Variants in OR14I1 observed in about 807,000 individuals in gnomAD.
OR14I1 encodes the protein olfactory receptor 14I1.
For synonymous variants in OR14I1, 118 were observed against 71.1 expected (o/e 1.66, Z -3.32); for missense variants, 279 against 181.8 (o/e 1.53, Z -3.07).
downstream of OR14I1, among the ~76,000 whole-genome samples, chr1:248,678,837 T>C (rs1027492723): frequency 6.7e-6 from 1 of 148,734 alleles, no homozygotes; most frequent in African/African-American, 2.5e-5. Flanking sequence ...CAAGAAATTT[T>C]TGGAGGCTGA....
chr1:248,693,507 T>G, the OR14I1 span, among the ~76,000 whole-genome samples: 1 of 152,176 alleles, frequency 6.6e-6, no homozygotes, highest in African/African-American at 2.4e-5. Context: ...TTTGATAAGA[T>G]AAAAGAGTTC....
the OR14I1 span, among the ~76,000 whole-genome samples, chr1:248,695,239 T>TTTTG: frequency 1.4e-4 from 21 of 146,222 alleles, no homozygotes; most frequent in African/African-American, 4.8e-4. Context: ...TTTTTTTTTT[T>TTTTG]TTTTTTTTTT....
the OR14I1 span, among the ~76,000 whole-genome samples, chr1:248,696,005 G>A: frequency 1.3e-5 from 2 of 152,034 alleles, no homozygotes; most frequent in East Asian, 1.9e-4. Flanking sequence ...GAAGGCCATC[G>A]CGATCATGTG....
upstream of OR14I1, among the ~76,000 whole-genome samples, chr1:248,686,620 T>C (rs1156479072): frequency 8.3e-6 from 1 of 119,862 alleles, no homozygotes; most frequent in Non-Finnish European, 1.9e-5. Context: ...ACATAATTAC[T>C]AAGAGAACAA....
At chr1:248,691,530 G>A in the OR14I1 span, among the ~76,000 whole-genome samples, 3 of 152,218 alleles carry the variant, frequency 2.0e-5, no homozygotes, top group Admixed American at 6.5e-5. Context: ...ATTGGGTGGG[G>A]TGAGAACCAA....
chr1:248,680,967 CGTGT>C (rs34495040), downstream of OR14I1, among the ~76,000 whole-genome samples: 93 of 147,212 alleles, frequency 6.3e-4, no homozygotes, highest in East Asian at 1.8e-3. Context: ...AAACTGTGTG[CGTGT>C]GTGTGTGTGT....
At chr1:248,696,755 G>A in the OR14I1 span, among the ~76,000 whole-genome samples, 4 of 152,034 alleles carry the variant, frequency 2.6e-5, no homozygotes, top group Non-Finnish European at 4.4e-5. Flanking sequence ...GTCTCTCTCC[G>A]TAGTATTTAT....
the OR14I1 span, among the ~76,000 whole-genome samples, chr1:248,696,391 C>T: frequency 6.6e-6 from 1 of 152,166 alleles, no homozygotes; most frequent in African/African-American, 2.4e-5. Flanking sequence ...TGTGCCTGGA[C>T]ATCTTTTACT....
At chr1:248,688,909 A>G in the OR14I1 span, among the ~76,000 whole-genome samples, 1 of 152,162 alleles carries the variant, frequency 6.6e-6, no homozygotes, top group Non-Finnish European at 1.5e-5. Flanking sequence ...TTTGATTTGA[A>G]ACTTCCATTT....
At chr1:248,680,967 CGTGTGT>C (rs34495040), downstream of OR14I1, among the ~76,000 whole-genome samples, 22 of 147,222 alleles carry the variant, frequency 1.5e-4, no homozygotes, top group East Asian at 4.0e-4. Context: ...AAACTGTGTG[CGTGTGT>C]GTGTGTGTGT....
At chr1:248,678,148 A>G (rs1346771246), downstream of OR14I1, among the ~76,000 whole-genome samples, 1 of 152,218 alleles carries the variant, frequency 6.6e-6, no homozygotes, top group African/African-American at 2.4e-5. Context: ...TTTGCATTCA[A>G]TATTTTATTC....
At chr1:248,702,214 A>C in the OR14I1 span, among the ~76,000 whole-genome samples, 1 of 152,088 alleles carries the variant, frequency 6.6e-6, no homozygotes, top group Admixed American at 6.5e-5. Flanking sequence ...TTCAGGATTA[A>C]CTCAAAAGTC....
the OR14I1 span, among the ~76,000 whole-genome samples, chr1:248,696,090 CTGTT>C: frequency 1.3e-5 from 2 of 152,230 alleles, no homozygotes; most frequent in Non-Finnish European, 2.9e-5. Flanking sequence ...AGATCTCAGT[CTGTT>C]TGAGCAAGAA....
At chr1:248,681,350 T>G in exon 1 of OR14I1, 1 of 680,984 alleles carries the variant, frequency 1.5e-6, no homozygotes, top group Non-Finnish European at 2.7e-6. Flanking sequence ...AGATCTTCTA[T>G]AGTAAAGACC....
chr1:248,690,220 C>G, the OR14I1 span, among the ~76,000 whole-genome samples: 390 of 152,078 alleles, frequency 2.6e-3, no homozygotes, highest in African/African-American at 9.0e-3. Context: ...CAAGAAATAA[C>G]TAAAATCAGA....
chr1:248,682,656 A>T (rs753532998), upstream of OR14I1, among the ~76,000 whole-genome samples: 10 of 152,240 alleles, frequency 6.6e-5, no homozygotes, highest in African/African-American at 2.4e-4. Flanking sequence ...AGGCAAATAT[A>T]CTAAATAAAA....
the OR14I1 span, among the ~76,000 whole-genome samples, chr1:248,693,216 TCA>T: frequency 6.6e-6 from 1 of 152,128 alleles, no homozygotes; most frequent in Admixed American, 6.6e-5. Flanking sequence ...GTGTACTAAT[TCA>T]CGGCCAGGAG....
chr1:248,697,105 C>G, the OR14I1 span: 2 of 152,058 alleles, frequency 1.3e-5, no homozygotes, highest in African/African-American at 4.8e-5. Flanking sequence ...TTTTAAGTGC[C>G]CAACATGCTT....
At chr1:248,681,828 G>A (rs1246334819) in exon 1 of OR14I1, 1 of 781,086 alleles carries the variant, frequency 1.3e-6, no homozygotes, top group Non-Finnish European at 2.4e-6. Context: ...GAAACATGTT[G>A]CCAGTGTGGA....
Sources: gnomAD v4.1 joint callset for allele counts (sites outside exome capture counted in the v4.1 genomes callset) on GRCh38, gnomAD v4.1.1 for gene constraint, MANE v1.5 for transcripts, NCBI Gene and HGNC (gene_info 2026-07-23, HGNC 2026-07-21) for gene names.